GALNTL6: variants seen among roughly 807,000 people sequenced by gnomAD.
The protein encoded by GALNTL6 is polypeptide N-acetylgalactosaminyltransferase-like 6.
In GALNTL6, 46 loss-of-function variants were observed where a neutral mutation model predicts 73.7. The ratio of observed to expected loss-of-function variants is 0.62; its 90% CI spans 0.49 to 0.80. The LOEUF (loss-of-function observed/expected upper bound fraction) is 0.80. Among genes scored for constraint, GALNTL6 ranks in the 30% least tolerant of loss-of-function variants. GALNTL6 has a pLI of 0.00. For missense variants in GALNTL6, 604 were observed against 755.0 expected (o/e 0.80, Z 2.34); for synonymous variants, 259 against 263.7 (o/e 0.98, Z 0.17).
At chr4:172,091,496 C>T (rs1732201552) in intron 2 of GALNTL6, among the ~76,000 whole-genome samples, 1 of 152,144 alleles carries the variant, frequency 6.6e-6, no homozygotes, top group African/African-American at 2.4e-5. Flanking sequence ...GTGAGTCATA[C>T]ATTTAAGGTA....
chr4:172,945,264 T>C (rs1482062717), intron 9 of GALNTL6, among the ~76,000 whole-genome samples: 2 of 152,096 alleles, frequency 1.3e-5, no homozygotes, highest in African/African-American at 4.8e-5. Flanking sequence ...TCTGGGGACA[T>C]AGAAATGCCA....
chr4:172,838,150 G>A (rs555602918), intron 7 of GALNTL6, among the ~76,000 whole-genome samples: 1 of 151,898 alleles, frequency 6.6e-6, no homozygotes, highest in African/African-American at 2.4e-5. Context: ...TTGAGAGATG[G>A]GGGGGCACAG....
intron 5 of GALNTL6, among the ~76,000 whole-genome samples, chr4:172,482,203 G>A (rs1211741259): frequency 2.0e-5 from 3 of 152,168 alleles, no homozygotes; most frequent in Admixed American, 6.5e-5. Context: ...CCCGGAACTC[G>A]CGCTGGCCCA....
intron 3 of GALNTL6, among the ~76,000 whole-genome samples, chr4:172,262,614 T>C (rs1738295742): frequency 6.6e-6 from 1 of 151,654 alleles, no homozygotes. Flanking sequence ...ATTTAGGCCA[T>C]TTACCTTCAG....
rs188241921 is a variant in GALNTL6 at position 172,511,740 on chromosome 4, A to G, written c.553+163051A>G. The stretch of plus-strand genomic sequence containing the variant: ...GATTATTTAATTTTCATGGACTTGC[A>G]TGGTTTTGAGGATTCCTTTTGGAGT... On this transcript the variant is annotated intron_variant, in intron 5 of 12. Transcript: ENST00000506823. Among the ~76,000 whole-genome samples, 2 of 55,138 alleles carry G rather than the reference A, an allele frequency of 3.6e-5. 1 individual carries two copies. Among genetic ancestry groups the G allele is most frequent in the African/African-American group, 9.0e-5 (2 of 22,164 alleles). 36.2% of individuals were successfully genotyped at this position (55,138 alleles called of 152,430 possible). A position where few individuals can be genotyped will look rare whatever the true frequency, so the allele number is the denominator to read the frequency against.
intron 5 of GALNTL6, among the ~76,000 whole-genome samples, chr4:172,463,652 A>G (rs1732696231): frequency 6.6e-6 from 1 of 152,356 alleles, no homozygotes; most frequent in African/African-American, 2.4e-5. Flanking sequence ...AAATAATTGT[A>G]TCATTAACTA....
At chr4:172,389,898 A>G (rs1209349421) in intron 5 of GALNTL6, among the ~76,000 whole-genome samples, 2 of 152,158 alleles carry the variant, frequency 1.3e-5, no homozygotes, top group Non-Finnish European at 2.9e-5. Flanking sequence ...GATTTTAAAA[A>G]ATAACAGTTG....
intron 3 of GALNTL6, among the ~76,000 whole-genome samples, chr4:172,307,566 C>T (rs538546947): frequency 2.0e-5 from 3 of 152,126 alleles, no homozygotes; most frequent in Non-Finnish European, 4.4e-5. Flanking sequence ...TTTTGTTCTT[C>T]TATATGTGGC....
At chr4:172,836,938 T>C (rs1742939689) in intron 7 of GALNTL6, among the ~76,000 whole-genome samples, 1 of 152,204 alleles carries the variant, frequency 6.6e-6, no homozygotes, top group Admixed American at 6.5e-5. Flanking sequence ...TCCCTGTGCA[T>C]CAATTATCAA....
In GALNTL6 at chr4:172,629,741, A is replaced by G. The variant is rs837192; in HGVS notation, c.554-179620A>G. On this transcript the variant is annotated intron_variant, in intron 5 of 12. Transcript: ENST00000506823. ...GTATAGATAGAAATGAAGGCTGAGC[A>G]ATGGGAATTCCAATGATGATGTAGA... is the stretch of plus-strand genomic sequence containing the variant. Among the ~76,000 whole-genome samples, 1,265 of 152,308 alleles carry G rather than the reference A, an allele frequency of 8.3e-3. 17 individuals carry two copies. Among genetic ancestry groups the G allele is most frequent in the African/African-American group, 0.029 (1,213 of 41,576 alleles).
intron 2 of GALNTL6, among the ~76,000 whole-genome samples, chr4:172,089,237 A>G (rs868699362): frequency 2.0e-5 from 3 of 152,200 alleles, no homozygotes; most frequent in African/African-American, 7.2e-5. Flanking sequence ...TGGAAACAGA[A>G]AAAAAAAGAC....
chr4:172,334,835 A>T (rs1237686609), intron 4 of GALNTL6, among the ~76,000 whole-genome samples: 1 of 152,092 alleles, frequency 6.6e-6, no homozygotes, highest in Non-Finnish European at 1.5e-5. Context: ...GCTTTTGCCC[A>T]TTCAGTAGGA....
intron 2 of GALNTL6, among the ~76,000 whole-genome samples, chr4:171,877,726 G>A (rs1236380071): frequency 6.6e-6 from 1 of 152,062 alleles, no homozygotes; most frequent in Non-Finnish European, 1.5e-5. Flanking sequence ...TTCCGGAAAC[G>A]GAACTGCTTG....
At chr4:172,595,993 A>G (rs1319738808) in intron 5 of GALNTL6, among the ~76,000 whole-genome samples, 1 of 152,098 alleles carries the variant, frequency 6.6e-6, no homozygotes, top group African/African-American at 2.4e-5. Context: ...AAACATATAC[A>G]TATATAAAAA....
In GALNTL6 at chr4:172,331,060, G is replaced by T. The variant is rs190405104; in HGVS notation, c.387-17463G>T. ...TTTTCATTATCTTCTTGAACATAAAGAAAACAGCACTAATAACTTTAATAT... is the reference window on the plus strand; with the variant it reads ...TTTTCATTATCTTCTTGAACATAAATAAAACAGCACTAATAACTTTAATAT... On this transcript the variant is annotated intron_variant, in intron 4 of 12. Coordinates refer to ENST00000506823, the MANE Select transcript of GALNTL6 (RefSeq NM_001034845.3). 2.7e-4 allele frequency among the ~76,000 whole-genome samples: 41 copies of T among 152,006 alleles called. No individual in the cohort carries two copies. In the East Asian group the frequency reaches 7.5e-3, roughly 28 times the overall value.
intron 5 of GALNTL6, among the ~76,000 whole-genome samples, chr4:172,600,866 G>T (rs936141299): frequency 7.3e-5 from 11 of 151,554 alleles, no homozygotes; most frequent in Admixed American, 2.0e-4. Flanking sequence ...TATAATAGAA[G>T]ATAACAAAAA....
intron 2 of GALNTL6, among the ~76,000 whole-genome samples, chr4:172,057,716 AAAAAAAAAAAAATATATATATATATAT>A (rs1331927455): frequency 9.3e-6 from 1 of 108,076 alleles, no homozygotes; most frequent in African/African-American, 3.6e-5. Context: ...AAAAAAAAAA[AAAAAAAAAAAAATATATATATATATAT>A]ATATATATAT....
chr4:172,858,800 T>C (rs1353962907), intron 7 of GALNTL6, among the ~76,000 whole-genome samples: 1 of 151,826 alleles, frequency 6.6e-6, no homozygotes, highest in Non-Finnish European at 1.5e-5. Flanking sequence ...CACTCAAAGA[T>C]GAACAACCAG....
At chr4:173,004,307 G>GC (rs1752176767) in intron 10 of GALNTL6, among the ~76,000 whole-genome samples, 1 of 152,124 alleles carries the variant, frequency 6.6e-6, no homozygotes, top group African/African-American at 2.4e-5. Flanking sequence ...TTCCAGCTCT[G>GC]CAAATAAATT....
Sources: gnomAD v4.1 joint callset for allele counts (sites outside exome capture counted in the v4.1 genomes callset) on GRCh38, gnomAD v4.1.1 for gene constraint, MANE v1.5 for transcripts, NCBI Gene and HGNC (gene_info 2026-07-23, HGNC 2026-07-21) for gene names.